UPF1: variants seen among roughly 807,000 people sequenced by gnomAD.
UPF1 encodes the protein regulator of nonsense transcripts 1.
A neutral mutation model predicts 129.2 loss-of-function variants in UPF1; 9 were observed. The ratio of observed to expected loss-of-function variants is 0.07; its 90% CI spans 0.04 to 0.12. The LOEUF (loss-of-function observed/expected upper bound fraction) is 0.12. Among genes scored for constraint, UPF1 ranks in the 10% least tolerant of loss-of-function variants. The pLI is 1.00. For synonymous variants in UPF1, 649 were observed against 644.9 expected (o/e 1.01, Z -0.10); for missense variants, 788 against 1,525.3 (o/e 0.52, Z 8.05).
rs2055826745 is a variant in UPF1, at chr19:18,865,042, T to G, written c.2858-247T>G. On this transcript the variant is annotated intron_variant, in intron 20 of 23. Coordinates refer to ENST00000262803, the MANE Select transcript of UPF1 (RefSeq NM_002911.4). This position sits in a 1 kb window ranked among gnomAD's most constrained non-coding sequence, Gnocchi z 6.1. ...GAGCCAACACGCCCGGCCCCAATTT[T>G]CAGTTTTTAAGATCTGTGTAGGCCA... Among the ~76,000 whole-genome samples the G allele has an allele frequency of 6.6e-6, 1 of 152,226 alleles. No homozygotes were observed. Among genetic ancestry groups the G allele is most frequent in the African/African-American group, 2.4e-5 (1 of 41,458 alleles).
Position 18,860,322 on chromosome 19 carries a change from G to A in UPF1, c.2184G>A (p.Ala728=), listed in dbSNP as rs146958133. The stretch of plus-strand genomic sequence containing the variant: ...TTACTTCTTTCCCTCCCCTCACAGC[G>A]GATCGTGTGAAGAAGGGATTTGACT... The part of the protein sequence containing the change: ...EGSLQNGVTA[A]DRVKKGFDFQ... Residue 728 remains alanine (A), a splice_region_variant and synonymous_variant, in exon 16 of 24, where the codon GCG becomes GCA. Transcript: ENST00000262803. 1.5e-5 allele frequency: 24 copies of A among 1,613,528 alleles called. No individual in the cohort carries two copies. The highest frequency in any genetic ancestry group is 2.2e-5 in the South Asian group (2 of 91,074).
At chr19:18,840,457 G>A (rs763559317) in intron 1 of UPF1, among the ~76,000 whole-genome samples, 1 of 152,166 alleles carries the variant, frequency 6.6e-6, no homozygotes, top group Non-Finnish European at 1.5e-5. Flanking sequence ...TCCCCAGAGC[G>A]GCTGCAAGGA....
chr19:18,863,050 C>T (rs984085651), intron 18 of UPF1: 17 of 188,506 alleles, frequency 9.0e-5, no homozygotes, highest in Non-Finnish European at 1.8e-4. Context: ...TTGGGTGGGT[C>T]CCCCCACAGC....
intron 1 of UPF1, among the ~76,000 whole-genome samples, chr19:18,842,575 A>AC (rs959581972): frequency 2.6e-5 from 4 of 151,938 alleles, no homozygotes; most frequent in African/African-American, 9.7e-5. Flanking sequence ...TGGGGGCCAG[A>AC]CCTCCTGGCA....
intron 17 of UPF1, among the ~76,000 whole-genome samples, chr19:18,861,221 G>A (rs1601126481): frequency 6.6e-6 from 1 of 152,240 alleles, no homozygotes; most frequent in East Asian, 1.9e-4. Context: ...AGAAACATGG[G>A]CTGAGATTGG....
At chr19:18,834,261 G>C (rs2055459928) in intron 1 of UPF1, among the ~76,000 whole-genome samples, 1 of 152,210 alleles carries the variant, frequency 6.6e-6, no homozygotes, top group African/African-American at 2.4e-5. Context: ...GTGGAGCAGT[G>C]AGCCATGAGC....
intron 18 of UPF1, among the ~76,000 whole-genome samples, chr19:18,862,762 G>T (rs1478475928): frequency 6.6e-6 from 1 of 152,098 alleles, no homozygotes; most frequent in Non-Finnish European, 1.5e-5. Flanking sequence ...TACCTGGGAG[G>T]AGGAGGTTGT....
chr19:18,857,514 C>T lies in UPF1; in HGVS notation c.2163C>T (p.Leu721=), dbSNP rs1173389912. Residue 721 remains leucine, a synonymous_variant, in exon 15 of 24, where the codon CTC becomes CTT. Transcript: ENST00000262803. ...FPSNIFYEGS[L]QNGVTAADRV... is the part of the protein sequence containing the mutation. ...CCAACATCTTCTACGAGGGCTCCCT[C>T]CAGAATGGTGTCACTGCAGGTAACG... 1 of 1,613,240 alleles carries T rather than the reference C, an allele frequency of 6.2e-7. No homozygotes were observed. The highest frequency in any genetic ancestry group is 1.1e-5 in the South Asian group (1 of 90,986).
rs73923167 is a variant in UPF1 at position 18,832,940 on chromosome 19, C to T, written c.231+500C>T. On this transcript the variant is annotated intron_variant, in intron 1 of 23. Transcript: ENST00000262803. This position sits in a 1 kb window ranked among gnomAD's most constrained non-coding sequence, Gnocchi z 5.6. ...TCTTTCGCAGGTCTCGGTATTCTGC[C>T]TCGAGTTCTCCTACGACCTGGGCCG... Among the ~76,000 whole-genome samples, 4,566 of 152,066 alleles carry T rather than the reference C, an allele frequency of 0.03. 87 individuals carry two copies. The highest frequency in any genetic ancestry group is 0.1 in the East Asian group (519 of 5,164).
At chr19:18,837,217 G>A (rs1034139793) in intron 1 of UPF1, among the ~76,000 whole-genome samples, 1 of 152,096 alleles carries the variant, frequency 6.6e-6, no homozygotes, top group African/African-American at 2.4e-5. Flanking sequence ...AGCCTCCCAA[G>A]TAGCTGGGAC....
intron 15 of UPF1, chr19:18,859,294 A>C (rs1051174564): frequency 6.6e-6 from 1 of 152,218 alleles, no homozygotes; most frequent in Non-Finnish European, 1.5e-5. Context: ...CGTAGTTCAC[A>C]CCCAGGAAGT....
Position 18,856,045 on chromosome 19 carries a change from G to C in UPF1, c.1665G>C (p.Pro555=), listed in dbSNP as rs753763496. The C allele has an allele frequency of 3.7e-5, 60 of 1,613,948 alleles. No individual in the cohort carries two copies. The highest frequency in any genetic ancestry group is 4.7e-5 in the Non-Finnish European group (56 of 1,180,044). The change falls in exon 12 of 24, where the codon CCG becomes CCC. Residue 555 remains proline (P), a synonymous_variant. Coordinates refer to ENST00000262803, the MANE Select transcript of UPF1 (RefSeq NM_002911.4). ...CAKSREAIDS[P]VSFLALHNQI... The stretch of plus-strand genomic sequence containing the variant: ...AGAGCCGTGAGGCCATCGACTCCCC[G>C]GTGTCTTTTCTGGCCCTGCACAACC...
rs1387572415 is a variant in UPF1, at chr19:18,832,754, A to G, written c.231+314A>G. Among the ~76,000 whole-genome samples, 1 of 151,768 alleles carries G rather than the reference A, an allele frequency of 6.6e-6. No individual in the cohort carries two copies. Among genetic ancestry groups the G allele is most frequent in the Non-Finnish European group, 1.5e-5 (1 of 67,898 alleles). The stretch of plus-strand genomic sequence containing the variant: ...CCTCCACTTCGTTCGGGACCGAGCT[A>G]ACCTGACCCTGTTCCTTTACGCCAG... On this transcript the variant is annotated intron_variant, in intron 1 of 23. Transcript: ENST00000262803. This position sits in a 1 kb window ranked among gnomAD's most constrained non-coding sequence, Gnocchi z 5.6.
At chr19:18,855,808 A>G (rs779395895) in intron 11 of UPF1, 117 bp from the exon 12 acceptor site, 3 of 1,386,082 alleles carry the variant, frequency 2.2e-6, no homozygotes, top group South Asian at 1.4e-5. Flanking sequence ...AGATCACACC[A>G]CTGCACTCCA....
At chr19:18,838,881 G>C (rs542032920) in intron 1 of UPF1, among the ~76,000 whole-genome samples, 20 of 152,292 alleles carry the variant, frequency 1.3e-4, no homozygotes, top group Admixed American at 1.3e-3. Flanking sequence ...TACAGTTAGT[G>C]GTGAATACAC....
In UPF1 at chr19:18,852,197, T is replaced by C. The variant is rs1291854289; in HGVS notation, c.873T>C (p.His291=). The C allele has an allele frequency of 2.5e-6, 4 of 1,613,464 alleles. No individual in the cohort carries two copies. Among genetic ancestry groups the C allele is most frequent in the Non-Finnish European group, 3.4e-6 (4 of 1,179,690 alleles). ...EKPGVDEEPQ[H]VLLRYEDAYQ... is the part of the protein sequence containing the mutation. ...CGGGGGTGGACGAGGAGCCGCAGCA[T>C]GTCCTCCTGCGGTACGAGGACGCCT... The change falls in exon 6 of 24, where the codon CAT becomes CAC. Residue 291 remains histidine, a synonymous_variant. Transcript: ENST00000262803.
In UPF1 at chr19:18,850,800, G is replaced by C; in HGVS notation, c.742G>C (p.Glu248Gln). 6.2e-7 allele frequency: 1 copy of C among 1,610,080 alleles called. No individual in the cohort carries two copies. The highest frequency in any genetic ancestry group is 8.5e-7 in the Non-Finnish European group (1 of 1,178,622). Residue 248 changes from glutamate (E) to glutamine (Q), a missense_variant, in exon 5 of 24, where the codon GAG becomes CAG. By Grantham distance (29) the Glu-to-Gln change is conservative. Transcript: ENST00000262803. The surrounding 1 kb of genome is among the most constrained non-coding windows in gnomAD (Gnocchi z 7.1). ...GTCCTGGCTGGTCAAGATCCCCTCC[G>C]AGCAGGAGCAGCTGCGGGCACGCCA... ...FLSWLVKIPS[E>Q]QEQLRARQIT...
chr19:18,842,972 A>T (rs1176431091), intron 1 of UPF1, among the ~76,000 whole-genome samples: 4 of 151,546 alleles, frequency 2.6e-5, no homozygotes, highest in African/African-American at 7.3e-5. Flanking sequence ...AGGCAACGAG[A>T]GTGAAACTCC....
At chr19:18,842,697 A>G (rs998334413) in intron 1 of UPF1, among the ~76,000 whole-genome samples, 1 of 151,564 alleles carries the variant, frequency 6.6e-6, no homozygotes, top group Non-Finnish European at 1.5e-5. Flanking sequence ...AATTTTTTTA[A>G]TTAAAAAAAA....
Sources: allele counts gnomAD v4.1 joint callset (sites outside exome capture counted in the v4.1 genomes callset), GRCh38; gene constraint gnomAD v4.1.1; non-coding constraint Gnocchi (gnomAD v3.1); transcripts MANE v1.5; gene names NCBI Gene and HGNC (gene_info 2026-07-23, HGNC 2026-07-21).